The following TEK variants were observed in gnomAD, a reference collection of about 807,000 sequenced individuals.
TEK encodes TEK receptor tyrosine kinase.
A neutral mutation model predicts 131.8 loss-of-function variants in TEK; 43 were observed. The ratio of observed to expected loss-of-function variants is 0.33; its 90% CI spans 0.26 to 0.42. TEK has a LOEUF of 0.42. TEK is among the 10% of genes least tolerant of loss of function. The pLI, the probability that TEK is intolerant of heterozygous loss-of-function variation, is 1.00. For synonymous variants in TEK, 580 were observed against 491.6 expected, an observed-to-expected ratio of 1.18 and a Z score of -2.38; for missense variants, 1,162 against 1,384.4, an observed-to-expected ratio of 0.84 and a Z score of 2.55.
intron 1 of TEK, among the ~76,000 whole-genome samples, chr9:27,117,181 G>A (rs1821604931): frequency 6.6e-6 from 1 of 152,212 alleles, no homozygotes; most frequent in East Asian, 1.9e-4. Context: ...AGAATTTTAA[G>A]AAGACAGTAA....
At chr9:27,183,873 C>T (rs1268784986) in intron 8 of TEK, among the ~76,000 whole-genome samples, 1 of 152,186 alleles carries the variant, frequency 6.6e-6, no homozygotes, top group East Asian at 1.9e-4. Context: ...GGATGGCACA[C>T]ATCCTGCAGG....
intron 1 of TEK, among the ~76,000 whole-genome samples, chr9:27,137,859 C>T (rs963814404): frequency 6.6e-5 from 10 of 152,290 alleles, no homozygotes; most frequent in African/African-American, 2.4e-4. Context: ...GGAATTTATT[C>T]ATTCCGGTGG....
intron 1 of TEK, among the ~76,000 whole-genome samples, chr9:27,113,869 G>C (rs1275757514): frequency 6.7e-6 from 1 of 149,806 alleles, no homozygotes; most frequent in Admixed American, 6.6e-5. Flanking sequence ...TATCTTGTCT[G>C]CTTCAACCAG....
At chr9:27,158,532 G>A (rs902355600) in intron 2 of TEK, among the ~76,000 whole-genome samples, 2 of 152,006 alleles carry the variant, frequency 1.3e-5, no homozygotes, top group Non-Finnish European at 2.9e-5. Flanking sequence ...TGCTTTGCTT[G>A]TCCCTAAATA....
At chr9:27,210,458 A>G (rs1825567361) in intron 16 of TEK, 1 of 198,596 alleles carries the variant, frequency 5.0e-6, no homozygotes. Flanking sequence ...GCCGTGGTGG[A>G]CAGACTAAAC....
rs755835455 is a variant in TEK at position 27,206,784 on chromosome 9, G to C, written c.2567G>C (p.Arg856Thr). The change falls in exon 15 of 23, where the codon AGA (arginine) becomes ACA (threonine). Residue 856 changes from arginine (R) to threonine (T), a missense_variant. This residue lies in a region of TEK where 57 missense variants were observed against 100.8 expected (regional missense o/e 0.57). Transcript: ENST00000380036. ...DGLRMDAAIKRMKEYASKDDH... is the reference protein window; with the variant it reads ...DGLRMDAAIKTMKEYASKDDH... ...TTACGGATGGATGCTGCCATCAAAA[G>C]AATGAAAGGTCAGTGGTTGACCAGA... is the stretch of plus-strand genomic sequence containing the variant. 3.1e-6 allele frequency: 5 copies of C among 1,613,896 alleles called. No homozygotes were observed. Among genetic ancestry groups the C allele is most frequent in the Non-Finnish European group, 4.2e-6 (5 of 1,179,934 alleles).
chr9:27,185,781 G>C (rs1647646291), intron 9 of TEK, 152 bp downstream of exon 9: 1 of 1,093,284 alleles, frequency 9.1e-7, no homozygotes. Flanking sequence ...CATGAAACTA[G>C]AGTGAAGAAA....
At chr9:27,134,979 C>A (rs1183554437) in intron 1 of TEK, among the ~76,000 whole-genome samples, 7 of 152,172 alleles carry the variant, frequency 4.6e-5, no homozygotes, top group African/African-American at 7.2e-5. Flanking sequence ...AATCCCAGCA[C>A]TTTCGGAGGC....
intron 15 of TEK, 60 bp downstream of exon 15, chr9:27,206,852 C>A: frequency 6.4e-7 from 1 of 1,562,626 alleles, no homozygotes. Flanking sequence ...ACTTGATTTC[C>A]TGCTCATTCT....
At chr9:27,202,121 A>G (rs773354112) in intron 12 of TEK, among the ~76,000 whole-genome samples, 28 of 152,204 alleles carry the variant, frequency 1.8e-4, no homozygotes, top group Non-Finnish European at 3.1e-4. Flanking sequence ...GGTGCCTGTC[A>G]TCTTCACATG....
intron 1 of TEK, among the ~76,000 whole-genome samples, chr9:27,130,070 G>T (rs1822153351): frequency 6.6e-6 from 1 of 152,098 alleles, no homozygotes. Context: ...TATACACTTT[G>T]TCTTGAAGAA....
chr9:27,211,539 C>G (rs1825632824), intron 16 of TEK, among the ~76,000 whole-genome samples: 1 of 147,386 alleles, frequency 6.8e-6, no homozygotes, highest in Admixed American at 7.0e-5. Flanking sequence ...TGCAACCTCC[C>G]CATCCCTGGG....
intron 1 of TEK, among the ~76,000 whole-genome samples, chr9:27,121,695 A>T (rs369638888): frequency 6.6e-6 from 1 of 152,182 alleles, no homozygotes; most frequent in South Asian, 2.1e-4. Flanking sequence ...AAAAAAAGTT[A>T]ATTTAAATAT....
intron 1 of TEK, among the ~76,000 whole-genome samples, chr9:27,129,212 T>C (rs1418635379): frequency 6.6e-6 from 1 of 152,194 alleles, no homozygotes; most frequent in African/African-American, 2.4e-5. Context: ...TCGGAGGACT[T>C]TTCTGCATGT....
At chr9:27,165,648 CA>C (rs755955340) in intron 2 of TEK, among the ~76,000 whole-genome samples, 42 of 152,184 alleles carry the variant, frequency 2.8e-4, no homozygotes, top group Non-Finnish European at 5.1e-4. Context: ...AGGTAGGTAT[CA>C]TTACTTTTCA....
At chr9:27,124,062 C>A (rs111725305) in intron 1 of TEK, among the ~76,000 whole-genome samples, 1 of 152,228 alleles carries the variant, frequency 6.6e-6, no homozygotes, top group East Asian at 1.9e-4. Context: ...TGGCGTGAGC[C>A]ACCGCAGCTG....
chr9:27,215,861 G>A (rs1023418220), intron 18 of TEK, among the ~76,000 whole-genome samples: 3 of 152,158 alleles, frequency 2.0e-5, no homozygotes, highest in African/African-American at 7.2e-5. Flanking sequence ...ACTGAACCAA[G>A]CTGAAAGGAA....
chr9:27,185,726 C>A, intron 9 of TEK, 97 bp downstream of exon 9: 2 of 1,505,014 alleles, frequency 1.3e-6, no homozygotes, highest in Non-Finnish European at 1.8e-6. Context: ...ACTAAAATAC[C>A]TTTGGGGTAA....
At chr9:27,188,905 G>A (rs1312662058) in intron 9 of TEK, among the ~76,000 whole-genome samples, 3 of 152,126 alleles carry the variant, frequency 2.0e-5, no homozygotes, top group African/African-American at 7.2e-5. Flanking sequence ...GCAGAAATGG[G>A]GGTAGAGAAT....
Sources: allele counts gnomAD v4.1 joint callset (sites outside exome capture counted in the v4.1 genomes callset), GRCh38; gene constraint gnomAD v4.1.1; regional missense constraint gnomAD v4.1.1; transcripts MANE v1.5; gene names NCBI Gene and HGNC (gene_info 2026-07-23, HGNC 2026-07-21).